Variants in TBX18 observed in about 807,000 individuals in gnomAD.
TBX18 encodes the protein T-box transcription factor TBX18.
In TBX18, 21 loss-of-function variants were observed where a neutral mutation model predicts 55.0. The ratio of observed to expected loss-of-function variants is 0.38; its 90% CI spans 0.27 to 0.55. The LOEUF (loss-of-function observed/expected upper bound fraction) is 0.55. TBX18 is among the 20% of genes least tolerant of loss of function. TBX18 has a pLI of 0.73. For missense variants in TBX18, 840 were observed against 799.6 expected (o/e 1.05, Z -0.61); for synonymous variants, 342 against 326.1 (o/e 1.05, Z -0.53).
At chr6:84,742,115 C>A (rs972478396) in intron 6 of TBX18, 5 of 152,016 alleles carry the variant, frequency 3.3e-5, no homozygotes, top group Non-Finnish European at 5.9e-5. Flanking sequence ...AGCAAGAAAG[C>A]CATATATAGG....
In TBX18 at chr6:84,763,964, G is replaced by A. The variant is rs1767739388; in HGVS notation, c.218C>T (p.Ala73Val). 2.5e-6 allele frequency: 4 copies of A among 1,580,114 alleles called. No individual in the cohort carries two copies. In the East Asian group the frequency reaches 6.9e-5, roughly 27 times the overall value. The change falls in exon 1 of 8, where the codon GCT (alanine) becomes GTT (valine). Residue 73 changes from alanine (A) to valine (V), a missense_variant. Coordinates refer to ENST00000369663, the MANE Select transcript of TBX18 (RefSeq NM_001080508.3). ...EKGSSEGDEG[A>V]ALPPPAGATS... Reference sequence around the variant, plus strand: ...CGCCCCAGCCGGCGGCGGGAGCGCAGCGCCTTCGTCTCCCTCAGAAGAACC... The same window carrying A: ...CGCCCCAGCCGGCGGCGGGAGCGCAACGCCTTCGTCTCCCTCAGAAGAACC...
intron 2 of TBX18, among the ~76,000 whole-genome samples, chr6:84,761,978 C>G (rs1767658939): frequency 6.6e-6 from 1 of 152,064 alleles, no homozygotes; most frequent in Non-Finnish European, 1.5e-5. Context: ...CATGATTAAA[C>G]ATGTATTGTG....
chr6:84,746,935 T>C (rs1767211805), intron 5 of TBX18, among the ~76,000 whole-genome samples: 1 of 151,812 alleles, frequency 6.6e-6, no homozygotes, highest in Non-Finnish European at 1.5e-5. Context: ...TAAAAGCTTA[T>C]AAAAGAGTGG....
rs5877913 is a variant in TBX18 at position 84,749,487 on chromosome 6, C to CT, written c.772-1401dup. Among the ~76,000 whole-genome samples, 946 of 145,292 alleles carry CT rather than the reference C, an allele frequency of 6.5e-3. 7 individuals are homozygous for CT. The highest frequency in any genetic ancestry group is 0.016 in the African/African-American group (646 of 39,272). On this transcript the variant is annotated intron_variant, in intron 4 of 7. Transcript: ENST00000369663. Reference sequence around the variant, plus strand: ...GTGCTGTGGCTAAGATTTTTTTTTTCTTTTTTTTTTTTTAACCCTGCAGTT... The same window carrying CT: ...GTGCTGTGGCTAAGATTTTTTTTTTCTTTTTTTTTTTTTTAACCCTGCAGTT...
At chr6:84,741,856 G>T (rs1767056799) in intron 6 of TBX18, 1 of 152,054 alleles carries the variant, frequency 6.6e-6, no homozygotes, top group Non-Finnish European at 1.5e-5. Flanking sequence ...CATATAACTT[G>T]GTCTTTTTTA....
chr6:84,760,459 T>A (rs7751988), intron 2 of TBX18, 103 bp from the exon 3 acceptor site: 62,840 of 655,356 alleles, frequency 0.096, 3,458 homozygotes, highest in African/African-American at 0.11. Flanking sequence ...ATTTTTAATA[T>A]GGATAAATTT....
intron 5 of TBX18, among the ~76,000 whole-genome samples, 184 bp downstream of exon 5, chr6:84,747,736 A>C (rs1406022618): frequency 3.3e-5 from 5 of 152,230 alleles, no homozygotes; most frequent in African/African-American, 1.2e-4. Flanking sequence ...TAAAGAAATC[A>C]ACATTAGAGC....
At chr6:84,753,798 T>G (rs1767414864) in intron 4 of TBX18, among the ~76,000 whole-genome samples, 1 of 152,200 alleles carries the variant, frequency 6.6e-6, no homozygotes, top group African/African-American at 2.4e-5. Context: ...TTTCCCATCT[T>G]TCCTGGCTGG....
intron 3 of TBX18, among the ~76,000 whole-genome samples, chr6:84,759,665 A>G (rs943484501): frequency 6.6e-6 from 1 of 152,132 alleles, no homozygotes; most frequent in African/African-American, 2.4e-5. Flanking sequence ...GAAGTTTTTA[A>G]AAGTTATAAC....
chr6:84,761,755 A>T (rs1767652719), intron 2 of TBX18, among the ~76,000 whole-genome samples: 2 of 152,174 alleles, frequency 1.3e-5, no homozygotes, highest in Admixed American at 1.3e-4. Flanking sequence ...TGCCCAACAA[A>T]TCCATTTATT....
Position 84,760,249 on chromosome 6 carries a change from C to T in TBX18, c.599+6G>A. 1 of 1,549,468 alleles carries T rather than the reference C, an allele frequency of 6.5e-7. No homozygotes were observed. The highest frequency in any genetic ancestry group is 8.8e-7 in the Non-Finnish European group (1 of 1,136,306). The stretch of plus-strand genomic sequence containing the variant: ...TTTTTAATTGTTCAGTATCTAATCA[C>T]TGTACCTGTATCTTTTGTTGTCCAC... On this transcript the variant is annotated splice_donor_region_variant and intron_variant, in intron 3 of 7. Coordinates refer to ENST00000369663, the MANE Select transcript of TBX18 (RefSeq NM_001080508.3).
At chr6:84,753,495 A>C (rs1767406282) in intron 4 of TBX18, among the ~76,000 whole-genome samples, 1 of 152,042 alleles carries the variant, frequency 6.6e-6, no homozygotes, top group African/African-American at 2.4e-5. Context: ...ATTTGAGTCA[A>C]TAGCTTTACT....
chr6:84,744,196 A>C, intron 6 of TBX18, 65 bp downstream of exon 6: 1 of 1,384,420 alleles, frequency 7.2e-7, no homozygotes, highest in South Asian at 1.3e-5. Flanking sequence ...ACTTTGTAAT[A>C]GAAAATTCAT....
rs2127870321 is a variant in TBX18, at chr6:84,736,491, T to C, written c.*194A>G. 5 of 494,998 alleles carry C rather than the reference T, an allele frequency of 1.0e-5. No individual in the cohort carries two copies. Among genetic ancestry groups the C allele is most frequent in the Non-Finnish European group, 1.6e-5 (5 of 305,006 alleles). The allele number at this position is 494,998 out of a possible 1,614,324, so 30.7% of individuals were successfully genotyped here. On this transcript the variant is annotated 3_prime_UTR_variant, in exon 8 of 8. Coordinates refer to ENST00000369663, the MANE Select transcript of TBX18 (RefSeq NM_001080508.3). Reference sequence around the variant, plus strand: ...AGGGGCCGTGATACTCCATGTGCTATGTATATACAGCATACATATATACCA... The same window carrying C: ...AGGGGCCGTGATACTCCATGTGCTACGTATATACAGCATACATATATACCA...
In TBX18 at chr6:84,741,171, C is replaced by G. The variant is rs746611553; in HGVS notation, c.1005-2580G>C. On this transcript the variant is annotated intron_variant, in intron 6 of 7. Transcript: ENST00000369663. Reference sequence around the variant, plus strand: ...CTGAATCTGGACATTTTTTAAAAAGCCTTCATTTTCTCCAGTAATGGAGAC... The same window carrying G: ...CTGAATCTGGACATTTTTTAAAAAGGCTTCATTTTCTCCAGTAATGGAGAC... The G allele has an allele frequency of 4.6e-5, 7 of 152,108 alleles. No individual in the cohort carries two copies. In the East Asian group the frequency reaches 5.8e-4, roughly 13 times the overall value. The allele number at this position is 152,108 out of a possible 1,614,324, so 9.4% of individuals were successfully genotyped here.
In TBX18 at chr6:84,738,540, T is replaced by C. The variant is rs1487965811; in HGVS notation, c.1056A>G (p.Leu352=). The change falls in exon 7 of 8, where the codon CTA becomes CTG. Residue 352 remains leucine, a synonymous_variant. Transcript: ENST00000369663. ...GGATATCTTCAAAGGTCAGAGTCCG[T>C]AGTGATGGTCGCCAGAATGCATATG... is the stretch of plus-strand genomic sequence containing the variant. ...VESYAFWRPS[L]RTLTFEDIPG... 3.7e-6 allele frequency: 6 copies of C among 1,613,994 alleles called. No individual in the cohort carries two copies. In the Admixed American group the frequency reaches 6.7e-5, roughly 18 times the overall value.
rs1773941273 is a variant in TBX18 at position 84,736,362 on chromosome 6, G to A, written c.*323C>T. The stretch of plus-strand genomic sequence containing the variant: ...TTCTTCTGGATAGTATAATTGCCAA[G>A]TTTTAAGTTTACCATCTTGTTTTTA... On this transcript the variant is annotated 3_prime_UTR_variant, in exon 8 of 8. Coordinates refer to ENST00000369663, the MANE Select transcript of TBX18 (RefSeq NM_001080508.3). 5.4e-6 allele frequency: 1 copy of A among 183,604 alleles called. No homozygotes were observed. The highest frequency in any genetic ancestry group is 2.3e-5 in the African/African-American group (1 of 42,732). The allele number at this position is 183,604 out of a possible 1,614,324, so 11.4% of individuals were successfully genotyped here. A position where few individuals can be genotyped will look rare whatever the true frequency, so the allele number is the denominator to read the frequency against.
Position 84,737,061 on chromosome 6 carries a change from G to C in TBX18, c.1448C>G (p.Thr483Ser), listed in dbSNP as rs773610410. The C allele has an allele frequency of 1.1e-5, 18 of 1,614,074 alleles. 2 individuals carry two copies. In the South Asian group the frequency reaches 1.9e-4, roughly 17 times the overall value. The change falls in exon 8 of 8, where the codon ACC becomes AGC. Residue 483 changes from threonine to serine, a missense_variant. Transcript: ENST00000369663. ...TCCCGAAATCTGCATGGATAAGCTG[G>C]TCTGTGGGCAGCTGAAGGTGTCCCC... is the stretch of plus-strand genomic sequence containing the variant. ...TDGDTFSCPQ[T>S]SLSMQISGMS...
chr6:84,733,783 G>C lies in TBX18; in HGVS notation c.*2902C>G, dbSNP rs1194924627. 1 of 152,066 alleles carries C rather than the reference G, an allele frequency of 6.6e-6. No homozygotes were observed. The highest frequency in any genetic ancestry group is 1.5e-5 in the Non-Finnish European group (1 of 68,020). The allele number at this position is 152,066 out of a possible 1,614,324, so 9.4% of individuals were successfully genotyped here. A position where few individuals can be genotyped will look rare whatever the true frequency, so the allele number is the denominator to read the frequency against. ...TTACTGGTAGGATTAAGTCTGGAGG[G>C]GTAATGAAGAGCTATTTACATTTTA... On this transcript the variant is annotated 3_prime_UTR_variant, in exon 8 of 8. Transcript: ENST00000369663.
Sources: allele counts gnomAD v4.1 joint callset (sites outside exome capture counted in the v4.1 genomes callset), GRCh38; gene constraint gnomAD v4.1.1; transcripts MANE v1.5; gene names NCBI Gene and HGNC (gene_info 2026-07-23, HGNC 2026-07-21).